Variants in CDH9 observed in about 807,000 individuals in gnomAD.
The protein encoded by CDH9 is cadherin 9.
Under a neutral mutation model 70.9 loss-of-function variants are expected in CDH9, and 28 were observed. That is an observed-to-expected ratio of 0.40 (90% CI 0.29 to 0.54). CDH9 has a LOEUF of 0.54. Among genes scored for constraint, CDH9 ranks in the 20% least tolerant of loss-of-function variants. CDH9 has a pLI of 0.59. For synonymous variants in CDH9, 409 were observed against 343.1 expected, an observed-to-expected ratio of 1.19 and a Z score of -2.12; for missense variants, 874 against 984.4, an observed-to-expected ratio of 0.89 and a Z score of 1.50.
chr5:26,906,927 T>G lies in CDH9; in HGVS notation c.524-89A>C. 3 of 1,435,272 alleles carry G rather than the reference T, an allele frequency of 2.1e-6. No homozygotes were observed. The Middle Eastern group carries it at 5.6e-4, about 268-fold the overall frequency. 88.9% of individuals were successfully genotyped at this position (1,435,272 alleles called of 1,614,324 possible). On this transcript the variant is annotated intron_variant, in intron 3 of 11. Coordinates refer to ENST00000231021, the MANE Select transcript of CDH9 (RefSeq NM_016279.4). ...CTTAAAAATATGTTGCTCTCAGTGTTTTGTATTAGACGATGTTGTATGTTT... is the reference window on the plus strand; with the variant it reads ...CTTAAAAATATGTTGCTCTCAGTGTGTTGTATTAGACGATGTTGTATGTTT...
chr5:27,020,362 A>G (rs1743116604), intron 1 of CDH9, among the ~76,000 whole-genome samples: 2 of 151,586 alleles, frequency 1.3e-5, no homozygotes, highest in South Asian at 4.1e-4. Flanking sequence ...TTTTTTCTGG[A>G]AACCAACAAT....
chr5:26,987,977 C>A, intron 2 of CDH9, 129 bp downstream of exon 2: 1 of 659,188 alleles, frequency 1.5e-6, no homozygotes, highest in Non-Finnish European at 2.6e-6. Flanking sequence ...AAATAGTTTG[C>A]AATATCACAC....
At chr5:26,905,599 A>C (rs543549994) in intron 5 of CDH9, among the ~76,000 whole-genome samples, 36 of 152,234 alleles carry the variant, frequency 2.4e-4, no homozygotes, top group African/African-American at 8.7e-4. Context: ...ATGAGAGCCC[A>C]CCCTCCTAAC....
chr5:26,954,346 GT>G (rs1741902039), intron 2 of CDH9, among the ~76,000 whole-genome samples: 1 of 141,920 alleles, frequency 7.0e-6, no homozygotes. Context: ...CCTAACTGCA[GT>G]TTTGCACATT....
At chr5:27,036,161 T>C (rs991220910) in intron 1 of CDH9, among the ~76,000 whole-genome samples, 1 of 151,932 alleles carries the variant, frequency 6.6e-6, no homozygotes, top group African/African-American at 2.4e-5. Flanking sequence ...TCACTATTGA[T>C]GCCTGAATAG....
chr5:26,896,067 T>A (rs1174931353), intron 7 of CDH9, among the ~76,000 whole-genome samples: 2 of 152,054 alleles, frequency 1.3e-5, no homozygotes, highest in Non-Finnish European at 2.9e-5. Context: ...AATTTGAGAT[T>A]AATTTCGCTC....
At chr5:26,928,796 A>C (rs949789277) in intron 2 of CDH9, among the ~76,000 whole-genome samples, 2 of 152,000 alleles carry the variant, frequency 1.3e-5, no homozygotes, top group African/African-American at 4.8e-5. Flanking sequence ...CATATAAAGA[A>C]GAATGAAACT....
chr5:26,891,026 G>GT (rs1579664839), intron 7 of CDH9, among the ~76,000 whole-genome samples: 1 of 152,230 alleles, frequency 6.6e-6, no homozygotes, highest in African/African-American at 2.4e-5. Context: ...GCTCTTGAAT[G>GT]TTTTTTTATT....
At chr5:26,905,328 T>A (rs1295383273) in intron 5 of CDH9, among the ~76,000 whole-genome samples, 2 of 152,054 alleles carry the variant, frequency 1.3e-5, no homozygotes, top group Non-Finnish European at 2.9e-5. Flanking sequence ...TGATGTAATC[T>A]TCATAACTTA....
At chr5:26,996,344 A>G (rs975458207) in intron 1 of CDH9, among the ~76,000 whole-genome samples, 2 of 152,030 alleles carry the variant, frequency 1.3e-5, no homozygotes, top group African/African-American at 2.4e-5. Context: ...TATTTTTTCA[A>G]ATAATATTTC....
At chr5:27,019,392 T>C (rs191142028) in intron 1 of CDH9, among the ~76,000 whole-genome samples, 140 of 152,144 alleles carry the variant, frequency 9.2e-4, no homozygotes, top group Middle Eastern at 3.4e-3. Context: ...TCTTAGTAAT[T>C]TGTATGTAAT....
intron 3 of CDH9, among the ~76,000 whole-genome samples, chr5:26,913,308 G>A (rs1413810889): frequency 6.6e-6 from 1 of 151,962 alleles, no homozygotes; most frequent in African/African-American, 2.4e-5. Flanking sequence ...TTATATTTAG[G>A]TAATGGAAGC....
rs538754340 is a variant in CDH9 at position 26,981,893 on chromosome 5, A to G, written c.228+6213T>C. 5.1e-4 allele frequency among the ~76,000 whole-genome samples: 77 copies of G among 152,068 alleles called. No homozygotes were observed. In the South Asian group the frequency reaches 6.2e-3, roughly 12 times the overall value. Reference sequence around the variant, plus strand: ...TTAGGTTTTTTAAAATGATTTTTAAATTTTATGTTCCTGGTTTTTAACAGG... The same window carrying G: ...TTAGGTTTTTTAAAATGATTTTTAAGTTTTATGTTCCTGGTTTTTAACAGG... On this transcript the variant is annotated intron_variant, in intron 2 of 11. Coordinates refer to ENST00000231021, the MANE Select transcript of CDH9 (RefSeq NM_016279.4).
In CDH9 at chr5:26,939,143, C is replaced by T. The variant is rs547446309; in HGVS notation, c.229-23219G>A. On this transcript the variant is annotated intron_variant, in intron 2 of 11. Transcript: ENST00000231021. ...TTAATATTGTAAATATGTCGATTCT[C>T]CCAATATCACTTTCTTAAATCAAGT... Among the ~76,000 whole-genome samples, 12 of 151,770 alleles carry T rather than the reference C, an allele frequency of 7.9e-5. No homozygotes were observed. The South Asian group carries it at 2.3e-3, about 29-fold the overall frequency.
intron 11 of CDH9, among the ~76,000 whole-genome samples, chr5:26,884,734 G>A (rs910252307): frequency 6.6e-6 from 1 of 152,118 alleles, no homozygotes. Context: ...TAGCACATAC[G>A]AGCATTAGAA....
At chr5:26,951,166 G>A (rs1476952740) in intron 2 of CDH9, among the ~76,000 whole-genome samples, 1 of 151,782 alleles carries the variant, frequency 6.6e-6, no homozygotes, top group Non-Finnish European at 1.5e-5. Flanking sequence ...GGTGGCATGT[G>A]CCTGTAATCC....
chr5:26,962,536 C>T (rs1043959079), intron 2 of CDH9, among the ~76,000 whole-genome samples: 4 of 152,124 alleles, frequency 2.6e-5, no homozygotes, highest in African/African-American at 9.7e-5. Context: ...AGTGGTATCT[C>T]ATTGTGGTTT....
chr5:27,002,877 C>T (rs952340466), intron 1 of CDH9, among the ~76,000 whole-genome samples: 5 of 151,622 alleles, frequency 3.3e-5, no homozygotes, highest in Non-Finnish European at 5.9e-5. Flanking sequence ...ATATAACAAA[C>T]CTGCACGTAG....
intron 1 of CDH9, among the ~76,000 whole-genome samples, chr5:27,018,764 T>C (rs1340973557): frequency 1.3e-5 from 2 of 151,864 alleles, no homozygotes; most frequent in Non-Finnish European, 1.5e-5. Flanking sequence ...CGTGTCAGGG[T>C]AGTACCTCTT....
Sources: allele counts gnomAD v4.1 joint callset (sites outside exome capture counted in the v4.1 genomes callset), GRCh38; gene constraint gnomAD v4.1.1; transcripts MANE v1.5; gene names NCBI Gene and HGNC (gene_info 2026-07-23, HGNC 2026-07-21).